The following STK32B variants were observed in gnomAD, a reference collection of about 807,000 sequenced individuals.
The protein encoded by STK32B is serine/threonine-protein kinase 32B.
STK32B carries 43 observed loss-of-function variants against 52.6 expected under a neutral mutation model. The ratio of observed to expected loss-of-function variants is 0.82; its 90% CI spans 0.64 to 1.05. The LOEUF (loss-of-function observed/expected upper bound fraction) is 1.05, where lower values mean the gene tolerates loss of function less well. STK32B is among the 50% of genes least tolerant of loss of function. STK32B has a pLI of 0.00. For missense variants in STK32B, 621 were observed against 534.6 expected, an observed-to-expected ratio of 1.16 and a Z score of -1.59; for synonymous variants, 238 against 204.3, an observed-to-expected ratio of 1.17 and a Z score of -1.41.
At chr4:5,023,375 C>T in the STK32B span, among the ~76,000 whole-genome samples, 12 of 152,308 alleles carry the variant, frequency 7.9e-5, no homozygotes, top group Non-Finnish European at 1.8e-4. Flanking sequence ...TGCTGCTTAT[C>T]CTTCCTTTAC....
intron 4 of STK32B, among the ~76,000 whole-genome samples, chr4:5,388,895 A>AT (rs1736421606): frequency 6.6e-6 from 1 of 152,166 alleles, no homozygotes; most frequent in Non-Finnish European, 1.5e-5. Flanking sequence ...GCTGAATGCA[A>AT]TTGCCTTAGT....
chr4:5,414,284 A>G (rs1711963795), intron 5 of STK32B, among the ~76,000 whole-genome samples: 1 of 151,956 alleles, frequency 6.6e-6, no homozygotes, highest in African/African-American at 2.4e-5. Context: ...AACGTGTTTA[A>G]CACAATATGT....
Position 5,265,641 on chromosome 4 carries a change from T to C in STK32B, c.261-65579T>C, listed in dbSNP as rs115159887. Among the ~76,000 whole-genome samples the C allele has an allele frequency of 3.1e-3, 469 of 152,352 alleles. 6 individuals are homozygous for C. The highest frequency in any genetic ancestry group is 0.011 in the African/African-American group (445 of 41,578). On this transcript the variant is annotated intron_variant, in intron 3 of 11. Transcript: ENST00000282908. Reference sequence around the variant, plus strand: ...ATTTGGAGTTATGGTAGTCTCACTTTTATTTGTTGCATATTTATTAACTTA... The same window carrying C: ...ATTTGGAGTTATGGTAGTCTCACTTCTATTTGTTGCATATTTATTAACTTA...
At chr4:5,444,970 T>G (rs1034040377) in intron 6 of STK32B, among the ~76,000 whole-genome samples, 3 of 152,196 alleles carry the variant, frequency 2.0e-5, no homozygotes, top group Non-Finnish European at 4.4e-5. Flanking sequence ...TATGTGGCAC[T>G]GAGTATGTAG....
At chr4:5,331,915 C>G (rs1732277380) in intron 4 of STK32B, among the ~76,000 whole-genome samples, 1 of 152,174 alleles carries the variant, frequency 6.6e-6, no homozygotes, top group Non-Finnish European at 1.5e-5. Context: ...CCATGTCCTA[C>G]ACAGGTGAGC....
chr4:5,220,176 A>G (rs921995021), intron 3 of STK32B, among the ~76,000 whole-genome samples: 2 of 152,250 alleles, frequency 1.3e-5, no homozygotes, highest in Non-Finnish European at 2.9e-5. Context: ...AGTAACCTTT[A>G]GAGCCATAGC....
At chr4:5,226,508 C>G (rs996189922) in intron 3 of STK32B, among the ~76,000 whole-genome samples, 12 of 152,128 alleles carry the variant, frequency 7.9e-5, no homozygotes, top group African/African-American at 2.7e-4. Context: ...TCATGCCTGC[C>G]CCGTCCATCC....
intron 3 of STK32B, among the ~76,000 whole-genome samples, chr4:5,170,196 CT>C (rs1421636673): frequency 6.6e-6 from 1 of 152,160 alleles, no homozygotes; most frequent in African/African-American, 2.4e-5. Context: ...TCAGGTGGGA[CT>C]CCTTAAGGTG....
At chr4:5,119,862 T>C (rs1714931921) in intron 1 of STK32B, among the ~76,000 whole-genome samples, 1 of 152,230 alleles carries the variant, frequency 6.6e-6, no homozygotes, top group Non-Finnish European at 1.5e-5. Context: ...TAAAAAGTTT[T>C]AATAATTTTT....
At position 5,227,462 on chromosome 4, in the gene STK32B, A is replaced by T. The variant is rs1030578803; in HGVS notation, c.260+59012A>T. 1.1e-4 allele frequency among the ~76,000 whole-genome samples: 17 copies of T among 152,346 alleles called. 1 individual carries two copies. Among genetic ancestry groups the T allele is most frequent in the African/African-American group, 4.1e-4 (17 of 41,586 alleles). On this transcript the variant is annotated intron_variant, in intron 3 of 11. Transcript: ENST00000282908. The stretch of plus-strand genomic sequence containing the variant: ...TAATACCACCACTGAACTCATTCGG[A>T]AAATCTTTAAATAATTGAAAAGCTG...
the STK32B span, among the ~76,000 whole-genome samples, chr4:5,020,001 G>A: frequency 2.0e-5 from 3 of 152,158 alleles, no homozygotes; most frequent in Non-Finnish European, 4.4e-5. Flanking sequence ...AACCAGGTAG[G>A]TGAGCCTTGG....
intron 3 of STK32B, among the ~76,000 whole-genome samples, chr4:5,289,264 A>T (rs1458241000): frequency 6.6e-6 from 1 of 152,182 alleles, no homozygotes; most frequent in Non-Finnish European, 1.5e-5. Context: ...GGTATAAGAG[A>T]TGAAAAATGG....
chr4:5,242,387 G>A (rs561964455), intron 3 of STK32B, among the ~76,000 whole-genome samples: 34 of 152,294 alleles, frequency 2.2e-4, no homozygotes, highest in African/African-American at 7.9e-4. Context: ...TTTGAGAAGT[G>A]TCTGTTCATA....
chr4:5,412,656 T>C (rs1711793545), intron 5 of STK32B, among the ~76,000 whole-genome samples: 1 of 152,182 alleles, frequency 6.6e-6, no homozygotes, highest in South Asian at 2.1e-4. Flanking sequence ...CAGGTTATTA[T>C]TCTGTAAAGA....
intron 2 of STK32B, among the ~76,000 whole-genome samples, chr4:5,151,005 G>T (rs1338191591): frequency 2.0e-5 from 3 of 151,942 alleles, no homozygotes; most frequent in Admixed American, 2.0e-4. Flanking sequence ...GTTCCTTTAG[G>T]ACATACTACC....
intron 4 of STK32B, among the ~76,000 whole-genome samples, chr4:5,360,208 T>G (rs1258027922): frequency 6.6e-6 from 1 of 152,152 alleles, no homozygotes; most frequent in Non-Finnish European, 1.5e-5. Context: ...CTTGTCCATT[T>G]CAAAAATTCC....
At chr4:5,361,558 T>A (rs1336631224) in intron 4 of STK32B, among the ~76,000 whole-genome samples, 7 of 152,174 alleles carry the variant, frequency 4.6e-5, no homozygotes, top group African/African-American at 1.7e-4. Context: ...AGAGATGGGG[T>A]CTCACTATGT....
intron 3 of STK32B, among the ~76,000 whole-genome samples, chr4:5,174,155 T>A (rs975612859): frequency 2.0e-5 from 3 of 152,198 alleles, no homozygotes; most frequent in African/African-American, 7.2e-5. Flanking sequence ...ATTTTCTTGG[T>A]CGATCTTCCT....
Position 5,395,656 on chromosome 4 carries a change from G to A in STK32B, c.435-2551G>A, listed in dbSNP as rs16837117. 0.043 allele frequency among the ~76,000 whole-genome samples: 6,546 copies of A among 152,234 alleles called. 369 individuals carry two copies. The highest frequency in any genetic ancestry group is 0.16 in the Admixed American group (2,493 of 15,274). ...GACGTGTCCTTCATGACCGCAAAGG[G>A]GACACCCCCGTAAATGCTTGAGATT... On this transcript the variant is annotated intron_variant, in intron 4 of 11. Coordinates refer to ENST00000282908, the MANE Select transcript of STK32B (RefSeq NM_018401.3). This position sits in a 1 kb window ranked among gnomAD's most constrained non-coding sequence, Gnocchi z 4.4.
Sources: allele counts gnomAD v4.1 joint callset (sites outside exome capture counted in the v4.1 genomes callset), GRCh38; gene constraint gnomAD v4.1.1; non-coding constraint Gnocchi (gnomAD v3.1); transcripts MANE v1.5; gene names NCBI Gene and HGNC (gene_info 2026-07-23, HGNC 2026-07-21).